CDKL1: variants seen among roughly 807,000 people sequenced by gnomAD.
CDKL1 encodes the protein cyclin dependent kinase like 1, also known as cyclin-dependent kinase-like 1.
CDKL1 carries 41 observed loss-of-function variants against 42.0 expected under a neutral mutation model. That is an observed-to-expected ratio of 0.98 (90% CI 0.76 to 1.27). The LOEUF (loss-of-function observed/expected upper bound fraction) is 1.27, where lower values mean the gene tolerates loss of function less well. Ranked by LOEUF, CDKL1 falls within the 50% of genes most tolerant of loss-of-function variation. The pLI, the probability that CDKL1 is intolerant of heterozygous loss-of-function variation, is 0.00. For synonymous variants in CDKL1, 153 were observed against 158.6 expected (o/e 0.96, Z 0.26); for missense variants, 394 against 428.4 (o/e 0.92, Z 0.71).
chr14:50,368,671 AG>A (rs1236979594), intron 2 of CDKL1, among the ~76,000 whole-genome samples: 1 of 152,012 alleles, frequency 6.6e-6, no homozygotes, highest in Non-Finnish European at 1.5e-5. Context: ...ATTTAGCCAG[AG>A]CCCTACCTGG....
intron 2 of CDKL1, among the ~76,000 whole-genome samples, chr14:50,374,189 A>T (rs1245631528): frequency 6.6e-6 from 1 of 152,358 alleles, no homozygotes; most frequent in Middle Eastern, 3.4e-3. Flanking sequence ...ATATTGTACT[A>T]TTCCAATTCT....
rs2033805551 is a variant in CDKL1, at chr14:50,348,669, C to T, written c.291-3611G>A. ...CCAGCAAATGGCCCAGCTAGAAAAC[C>T]ATAGTGAAGCTCAGAGCTTCCAGTA... is the stretch of plus-strand genomic sequence containing the variant. On this transcript the variant is annotated intron_variant, in intron 3 of 9. Transcript: ENST00000395834. 3.3e-5 allele frequency among the ~76,000 whole-genome samples: 5 copies of T among 152,120 alleles called. No individual in the cohort carries two copies. The South Asian group carries it at 1.0e-3, about 32-fold the overall frequency.
chr14:50,390,842 C>CT (rs113092805), intron 2 of CDKL1, among the ~76,000 whole-genome samples: 10 of 151,368 alleles, frequency 6.6e-5, no homozygotes, highest in African/African-American at 1.9e-4. Context: ...CTTGATTTTT[C>CT]TTTTTTTTTG....
chr14:50,386,006 G>A (rs2035071511), intron 2 of CDKL1, among the ~76,000 whole-genome samples: 1 of 151,942 alleles, frequency 6.6e-6, no homozygotes, highest in Non-Finnish European at 1.5e-5. Flanking sequence ...ATTGAGTATG[G>A]AAATCATAAT....
chr14:50,336,330 A>G (rs2033275505), intron 7 of CDKL1: 5 of 1,095,882 alleles, frequency 4.6e-6, no homozygotes, highest in South Asian at 1.6e-5. Context: ...AGCTTCTTAC[A>G]TTTATGAAAC....
chr14:50,354,169 G>A (rs1038427654), intron 3 of CDKL1, among the ~76,000 whole-genome samples: 2 of 152,040 alleles, frequency 1.3e-5, no homozygotes, highest in African/African-American at 4.8e-5. Flanking sequence ...TGGCCAGGCT[G>A]GTCTTGAACT....
upstream of CDKL1, chr14:50,396,986 A>G (rs1255692902): frequency 3.2e-6 from 3 of 929,754 alleles, no homozygotes; most frequent in East Asian, 2.1e-4. Context: ...GGCCCGGCCC[A>G]GCCCGGCCGC....
rs1361106898 is a variant in CDKL1, at chr14:50,396,110, T to C, written c.-242A>G. The C allele has an allele frequency of 2.6e-5, 28 of 1,073,308 alleles. No individual in the cohort carries two copies. Among genetic ancestry groups the C allele is most frequent in the Non-Finnish European group, 2.9e-5 (25 of 876,128 alleles). 66.5% of individuals were successfully genotyped at this position (1,073,308 alleles called of 1,614,324 possible). A position where few individuals can be genotyped will look rare whatever the true frequency, so the allele number is the denominator to read the frequency against. ...CTGAGGCAGGAGAATCGCGTGAACC[T>C]GGGAGGCGCAGGTTGCAGTGAGCCG... On this transcript the variant is annotated 5_prime_UTR_variant, in exon 2 of 10. Coordinates refer to ENST00000395834, the MANE Select transcript of CDKL1 (RefSeq NM_004196.7).
rs540974331 is a variant in CDKL1 at position 50,362,283 on chromosome 14, G to A, written c.169-3134C>T. On this transcript the variant is annotated intron_variant, in intron 2 of 9. Transcript: ENST00000395834. ...CACCCAAGGACTGAGGAGTGCGGGCGCACGGCATGGGACTGGCAGGCAGCT... is the reference window on the plus strand; with the variant it reads ...CACCCAAGGACTGAGGAGTGCGGGCACACGGCATGGGACTGGCAGGCAGCT... 9.3e-5 allele frequency: 35 copies of A among 375,616 alleles called. No individual in the cohort carries two copies. In the East Asian group the frequency reaches 1.0e-3, roughly 11 times the overall value. The allele number at this position is 375,616 out of a possible 1,614,324, so 23.3% of individuals were successfully genotyped here.
At chr14:50,396,526 T>C (rs77609075) in intron 1 of CDKL1, among the ~76,000 whole-genome samples, 197 bp from the exon 2 acceptor site, 8,593 of 152,294 alleles carry the variant, frequency 0.056, 255 homozygotes, top group East Asian at 0.11. Flanking sequence ...TTTTTAACGT[T>C]ATCGTTCATC....
At chr14:50,380,105 C>G (rs780257227) in intron 2 of CDKL1, 5 of 514,372 alleles carry the variant, frequency 9.7e-6, no homozygotes, top group Non-Finnish European at 2.0e-5. Context: ...CTAAGCATAC[C>G]CTCACATTGG....
At chr14:50,338,369 A>G (rs113306140) in intron 7 of CDKL1, among the ~76,000 whole-genome samples, 2,490 of 152,264 alleles carry the variant, frequency 0.016, 74 homozygotes, top group African/African-American at 0.057. Flanking sequence ...CTGGGATTAC[A>G]GTCATGTGCC....
chr14:50,369,491 G>C (rs1274431086), intron 2 of CDKL1, among the ~76,000 whole-genome samples: 2 of 151,326 alleles, frequency 1.3e-5, no homozygotes, highest in Admixed American at 6.6e-5. Context: ...AGCAATAGAG[G>C]TATATTTAAT....
intron 2 of CDKL1, chr14:50,380,132 G>T (rs1174818152): frequency 1.9e-6 from 1 of 523,836 alleles, no homozygotes; most frequent in East Asian, 5.5e-5. Context: ...GACCTGTGAA[G>T]TAAGAGCCAA....
intron 2 of CDKL1, chr14:50,363,711 C>G (rs2034354399): frequency 6.6e-6 from 1 of 152,260 alleles, no homozygotes. Flanking sequence ...TCTACCCAAA[C>G]AAATCCCCCG....
At chr14:50,353,034 G>A (rs1027021987) in intron 3 of CDKL1, among the ~76,000 whole-genome samples, 3 of 152,146 alleles carry the variant, frequency 2.0e-5, no homozygotes, top group African/African-American at 7.2e-5. Context: ...TCGACTTTAG[G>A]AATAATTTAT....
chr14:50,377,268 C>T (rs372391581), intron 2 of CDKL1, among the ~76,000 whole-genome samples: 1 of 152,102 alleles, frequency 6.6e-6, no homozygotes, highest in African/African-American at 2.4e-5. Context: ...TGCTGGGATT[C>T]GGTACTTGCA....
chr14:50,373,237 A>T (rs2139494048), intron 2 of CDKL1, among the ~76,000 whole-genome samples: 1 of 152,366 alleles, frequency 6.6e-6, no homozygotes, highest in East Asian at 1.9e-4. Context: ...ACAAAGGGTT[A>T]TATTCCTAAT....
intron 2 of CDKL1, among the ~76,000 whole-genome samples, chr14:50,387,128 G>A (rs986426105): frequency 1.3e-5 from 2 of 148,444 alleles, no homozygotes; most frequent in Admixed American, 1.4e-4. Context: ...GATCACCTGA[G>A]CCCTGGAGAT....
Sources: allele counts gnomAD v4.1 joint callset (sites outside exome capture counted in the v4.1 genomes callset), GRCh38; gene constraint gnomAD v4.1.1; transcripts MANE v1.5; gene names NCBI Gene and HGNC (gene_info 2026-07-23, HGNC 2026-07-21).